The following ZNF700 variants were observed in gnomAD, a reference collection of about 807,000 sequenced individuals.
ZNF700 encodes the protein zinc finger protein 700.
A neutral mutation model predicts 65.3 loss-of-function variants in ZNF700; 38 were observed. The ratio of observed to expected loss-of-function variants is 0.58; its 90% confidence interval spans 0.45 to 0.76. The LOEUF (loss-of-function observed/expected upper bound fraction) is 0.76, where lower values mean the gene tolerates loss of function less well. Ranked by LOEUF, ZNF700 falls within the 30% of genes least tolerant of loss-of-function variation. ZNF700 has a pLI of 0.00. For missense variants in ZNF700, 857 were observed against 888.4 expected (o/e 0.96, Z 0.45); for synonymous variants, 285 against 290.4 (o/e 0.98, Z 0.19).
intron 1 of ZNF700, among the ~76,000 whole-genome samples, chr19:11,927,196 T>G (rs1208349904): frequency 6.6e-6 from 1 of 151,908 alleles, no homozygotes; most frequent in Admixed American, 6.6e-5. Context: ...CTTCCAAAAC[T>G]AGCAAAAATT....
intron 1 of ZNF700, among the ~76,000 whole-genome samples, chr19:11,936,555 T>A (rs959225215): frequency 6.6e-6 from 1 of 152,168 alleles, no homozygotes; most frequent in Non-Finnish European, 1.5e-5. Context: ...TTCTTGTAAG[T>A]TTGTTTGAGT....
chr19:11,948,844 G>A lies in ZNF700; in HGVS notation c.820G>A (p.Gly274Arg). 4 of 1,608,644 alleles carry A rather than the reference G, an allele frequency of 2.5e-6. No homozygotes were observed. The highest frequency in any genetic ancestry group is 3.4e-6 in the Non-Finnish European group (4 of 1,178,876). ...TLQIHERTHT[G>R]EKPYECSKCD... is the part of the protein sequence containing the mutation. ...TCAAATACATGAAAGAACTCACACTGGGGAGAAGCCCTATGAATGTAGCAA... is the reference window on the plus strand; with the variant it reads ...TCAAATACATGAAAGAACTCACACTAGGGAGAAGCCCTATGAATGTAGCAA... The change falls in exon 4 of 4, where the codon GGG becomes AGG. Residue 274 changes from glycine (G) to arginine (R), a missense_variant. By Grantham distance (125) the Gly-to-Arg change is moderately radical (BLOSUM62 -2). Coordinates refer to ENST00000254321, the MANE Select transcript of ZNF700 (RefSeq NM_144566.3).
chr19:11,943,897 C>T (rs541663906), intron 1 of ZNF700, among the ~76,000 whole-genome samples: 12 of 152,146 alleles, frequency 7.9e-5, no homozygotes, highest in Admixed American at 1.3e-4. Context: ...AGGAGCAGGG[C>T]TTGTCGTCTT....
intron 1 of ZNF700, among the ~76,000 whole-genome samples, chr19:11,931,001 A>G (rs1972705288): frequency 7.0e-6 from 1 of 142,334 alleles, no homozygotes. Context: ...TTCCGTCTCA[A>G]AAAAAAAAAA....
intron 1 of ZNF700, among the ~76,000 whole-genome samples, chr19:11,925,996 G>T (rs1247870186): frequency 6.6e-6 from 1 of 152,154 alleles, no homozygotes. Context: ...GTGGAAGGGG[G>T]GTTAGAAGGC....
chr19:11,937,630 A>G (rs867555765), intron 1 of ZNF700, among the ~76,000 whole-genome samples: 1 of 151,604 alleles, frequency 6.6e-6, no homozygotes, highest in South Asian at 2.1e-4. Context: ...CTGAGACTAC[A>G]GGTGCCTACC....
rs372121908 is a variant in ZNF700, at chr19:11,939,251, T to C, written c.64-7930T>C. 5.7e-3 allele frequency among the ~76,000 whole-genome samples: 875 copies of C among 152,358 alleles called. 7 individuals are homozygous for C. Among genetic ancestry groups the C allele is most frequent in the African/African-American group, 0.02 (823 of 41,582 alleles). On this transcript the variant is annotated intron_variant, in intron 1 of 3. Coordinates refer to ENST00000254321, the MANE Select transcript of ZNF700 (RefSeq NM_144566.3). ...TTTAATTAGATCCCATTTGTCAATTTTGGCTTTTGTTGCCATTGCTTTTGG... is the reference window on the plus strand; with the variant it reads ...TTTAATTAGATCCCATTTGTCAATTCTGGCTTTTGTTGCCATTGCTTTTGG...
chr19:11,938,058 A>T (rs1389797609), intron 1 of ZNF700, among the ~76,000 whole-genome samples: 1 of 151,734 alleles, frequency 6.6e-6, no homozygotes, highest in African/African-American at 2.4e-5. Flanking sequence ...GCCTCTATTT[A>T]TTCATTCTTG....
At chr19:11,925,751 G>C (rs113567195) in intron 1 of ZNF700, among the ~76,000 whole-genome samples, 9,597 of 152,242 alleles carry the variant, frequency 0.063, 388 homozygotes, top group Middle Eastern at 0.099. Context: ...CCCGTCCTGG[G>C]TTGTGGTTTG....
intron 2 of ZNF700, 59 bp downstream of exon 2, chr19:11,947,366 G>T: frequency 6.2e-7 from 1 of 1,609,988 alleles, no homozygotes; most frequent in South Asian, 1.1e-5. Flanking sequence ...TCTAGCTCAT[G>T]AATGCTGTTG....
chr19:11,932,133 A>G (rs1449331542), intron 1 of ZNF700, among the ~76,000 whole-genome samples: 1 of 147,776 alleles, frequency 6.8e-6, no homozygotes, highest in African/African-American at 2.7e-5. Context: ...CAAAAAAAAA[A>G]AAAGAAAGAA....
In ZNF700 at chr19:11,934,108, C is replaced by T. The variant is rs568175924; in HGVS notation, c.63+8835C>T. 2.3e-4 allele frequency among the ~76,000 whole-genome samples: 34 copies of T among 147,944 alleles called. 2 individuals carry two copies. Among genetic ancestry groups the T allele is most frequent in the African/African-American group, 7.2e-4 (27 of 37,714 alleles). On this transcript the variant is annotated intron_variant, in intron 1 of 3. Coordinates refer to ENST00000254321, the MANE Select transcript of ZNF700 (RefSeq NM_144566.3). ...CCTAAATTCCCAGCTACATGGGAGA[C>T]AGAGGTGAGACGATTGCTTGAGGCC...
In ZNF700 at chr19:11,950,580, C is replaced by T. The variant is rs537828657; in HGVS notation, c.*327C>T. On this transcript the variant is annotated 3_prime_UTR_variant, in exon 4 of 4. Coordinates refer to ENST00000254321, the MANE Select transcript of ZNF700 (RefSeq NM_144566.3). ...CTTCAGATGTGCCTCGCACCTTCAA[C>T]GGCATGGAAGGGTTCACACTTGGGA... The T allele has an allele frequency of 1.2e-4, 62 of 503,822 alleles. No homozygotes were observed. Among genetic ancestry groups the T allele is most frequent in the African/African-American group, 6.6e-4 (34 of 51,228 alleles). 31.2% of individuals were successfully genotyped at this position (503,822 alleles called of 1,614,324 possible).
At chr19:11,926,789 C>T (rs1972635724) in intron 1 of ZNF700, 1 of 154,024 alleles carries the variant, frequency 6.5e-6, no homozygotes, top group Non-Finnish European at 1.5e-5. Context: ...TGCAGAGATG[C>T]AGTTGCCTTA....
chr19:11,947,057 A>G, intron 1 of ZNF700, 124 bp from the exon 2 acceptor site: 1 of 1,439,582 alleles, frequency 6.9e-7, no homozygotes, highest in Non-Finnish European at 9.3e-7. Context: ...AAGGGATCTG[A>G]TAACCGAAGC....
At position 11,947,657 on chromosome 19, in the gene ZNF700, G is replaced by T. The variant is rs192557031; in HGVS notation, c.251+83G>T. ...ATATGTTGAAGAGAAGTAAAACAAAGAACTAAATCCAGCATCAAATTCATT... is the reference window on the plus strand; with the variant it reads ...ATATGTTGAAGAGAAGTAAAACAAATAACTAAATCCAGCATCAAATTCATT... On this transcript the variant is annotated intron_variant, in intron 3 of 3. Coordinates refer to ENST00000254321, the MANE Select transcript of ZNF700 (RefSeq NM_144566.3). The T allele has an allele frequency of 3.2e-6, 4 of 1,268,678 alleles. No homozygotes were observed. The East Asian group carries it at 9.3e-5, about 30-fold the overall frequency. The allele number at this position is 1,268,678 out of a possible 1,614,324, so 78.6% of individuals were successfully genotyped here.
chr19:11,949,656 C>A lies in ZNF700; in HGVS notation c.1632C>A (p.Ala544=), dbSNP rs912320249. Residue 544 remains alanine, a synonymous_variant, in exon 4 of 4, where the codon GCC becomes GCA. Coordinates refer to ENST00000254321, the MANE Select transcript of ZNF700 (RefSeq NM_144566.3). ...ATGAATGCAACCAATGTGGTAAAGC[C>A]TTCAGATGTTGCAATTCCCTTCGAT... ...KPYECNQCGK[A]FRCCNSLRYH... 5.0e-6 allele frequency: 8 copies of A among 1,613,312 alleles called. No homozygotes were observed. In the African/African-American group the frequency reaches 8.0e-5, roughly 16 times the overall value.
chr19:11,928,869 CAA>C (rs1972674719), intron 1 of ZNF700, among the ~76,000 whole-genome samples: 1 of 147,708 alleles, frequency 6.8e-6, no homozygotes, highest in Non-Finnish European at 1.5e-5. Context: ...GGCTTGATCT[CAA>C]GAGTTCAAGA....
chr19:11,945,890 CT>C (rs1254671267), intron 1 of ZNF700, among the ~76,000 whole-genome samples: 2 of 152,176 alleles, frequency 1.3e-5, no homozygotes, highest in African/African-American at 4.8e-5. Flanking sequence ...TCATGTACCC[CT>C]ATAGTACAAG....
Sources: gnomAD v4.1 joint callset for allele counts (sites outside exome capture counted in the v4.1 genomes callset) on GRCh38, gnomAD v4.1.1 for gene constraint, MANE v1.5 for transcripts, NCBI Gene and HGNC (gene_info 2026-07-23, HGNC 2026-07-21) for gene names.